Variants in LRPAP1 observed in about 807,000 individuals in gnomAD.
LRPAP1 encodes the protein alpha-2-macroglobulin receptor-associated protein.
Under a neutral mutation model 39.9 loss-of-function variants are expected in LRPAP1, and 41 were observed. The observed-to-expected ratio is 1.03, with a 90% CI of 0.80 to 1.33. The LOEUF (loss-of-function observed/expected upper bound fraction) is 1.33. LRPAP1 is among the 40% of genes most tolerant of loss of function. The pLI is 0.00. For missense variants in LRPAP1, 565 were observed against 482.3 expected (o/e 1.17, Z -1.61); for synonymous variants, 263 against 212.7 (o/e 1.24, Z -2.06).
At chr4:3,515,186 G>A (rs954438785) in intron 6 of LRPAP1, among the ~76,000 whole-genome samples, 7 of 152,120 alleles carry the variant, frequency 4.6e-5, no homozygotes, top group Non-Finnish European at 5.9e-5. Context: ...CCCGAATCTA[G>A]GGGGCCTCCA....
chr4:3,503,753 G>A lies in LRPAP1; in HGVS notation c.*9221C>T, dbSNP rs899270861. 3 of 152,294 alleles carry A rather than the reference G, an allele frequency of 2.0e-5. No individual in the cohort carries two copies. In the East Asian group the frequency reaches 5.8e-4, roughly 29 times the overall value. The allele number at this position is 152,294 out of a possible 1,614,324, so 9.4% of individuals were successfully genotyped here. On this transcript the variant is annotated 3_prime_UTR_variant, in exon 8 of 8. Transcript: ENST00000650182. The stretch of plus-strand genomic sequence containing the variant: ...TTTCACAAAACAACAGCAGACAACA[G>A]AGATTTCCAACTCCAGCAATGACAG...
At chr4:3,524,621 G>A (rs534641244) in intron 2 of LRPAP1, among the ~76,000 whole-genome samples, 25 of 152,334 alleles carry the variant, frequency 1.6e-4, no homozygotes, top group Non-Finnish European at 3.5e-4. Context: ...AGTCAGAGGC[G>A]TAGCCCACAG....
chr4:3,518,253 A>G, intron 4 of LRPAP1, 61 bp from the exon 5 acceptor site: 2 of 1,520,090 alleles, frequency 1.3e-6, no homozygotes, highest in Non-Finnish European at 1.8e-6. Context: ...TGCCCAGACC[A>G]CTGTCTAGAA....
chr4:3,529,182 G>A (rs1256304258), intron 1 of LRPAP1, among the ~76,000 whole-genome samples: 1 of 151,996 alleles, frequency 6.6e-6, no homozygotes, highest in Non-Finnish European at 1.5e-5. Flanking sequence ...AATTAGCCAG[G>A]CATGGTGGTG....
intron 1 of LRPAP1, among the ~76,000 whole-genome samples, chr4:3,530,677 G>T (rs1577213828): frequency 6.6e-6 from 1 of 152,178 alleles, no homozygotes; most frequent in Admixed American, 6.5e-5. Context: ...GGGGCAGCCC[G>T]AGGGTAGCTG....
At chr4:3,524,264 T>C (rs1730010294) in intron 2 of LRPAP1, among the ~76,000 whole-genome samples, 1 of 152,210 alleles carries the variant, frequency 6.6e-6, no homozygotes, top group Non-Finnish European at 1.5e-5. Flanking sequence ...CACACCTGTC[T>C]TCCGTATGCT....
intron 1 of LRPAP1, among the ~76,000 whole-genome samples, chr4:3,529,157 T>C (rs1347931448): frequency 2.0e-5 from 3 of 151,972 alleles, no homozygotes; most frequent in Non-Finnish European, 2.9e-5. Context: ...ACCCCGTCTC[T>C]ACTAAAAATA....
chr4:3,525,107 C>G (rs542859900), intron 1 of LRPAP1, 56 bp from the exon 2 acceptor site: 5 of 1,602,374 alleles, frequency 3.1e-6, no homozygotes, highest in South Asian at 1.1e-5. Flanking sequence ...CAGGACACAG[C>G]GAGAAACTGA....
At chr4:3,519,929 C>A in intron 3 of LRPAP1, 143 bp downstream of exon 3, 1 of 914,282 alleles carries the variant, frequency 1.1e-6, no homozygotes, top group Non-Finnish European at 1.6e-6. Context: ...AGTGGAATGG[C>A]TTCCTTAGGA....
In LRPAP1 at chr4:3,512,949, T is replaced by G. The variant is rs772170081; in HGVS notation, c.*25A>C. ...AGGTCCTTCACGCTGGCCTCTTCCC[T>G]GCCGGGCTGGGCTCCCCAATGCCTT... is the stretch of plus-strand genomic sequence containing the variant. On this transcript the variant is annotated 3_prime_UTR_variant, in exon 8 of 8. Coordinates refer to ENST00000650182, the MANE Select transcript of LRPAP1 (RefSeq NM_002337.4). 1 of 1,601,578 alleles carries G rather than the reference T, an allele frequency of 6.2e-7. No individual in the cohort carries two copies. Among genetic ancestry groups the G allele is most frequent in the South Asian group, 1.1e-5 (1 of 88,446 alleles).
chr4:3,526,566 G>A (rs1364041981), intron 1 of LRPAP1, among the ~76,000 whole-genome samples: 4 of 152,210 alleles, frequency 2.6e-5, no homozygotes, highest in South Asian at 4.1e-4. Flanking sequence ...CGCAGCCCGC[G>A]CCGCCTTGTG....
chr4:3,518,907 A>T lies in LRPAP1; in HGVS notation c.556T>A (p.Tyr186Asn). The T allele has an allele frequency of 6.2e-7, 1 of 1,613,190 alleles. No individual in the cohort carries two copies. Among genetic ancestry groups the T allele is most frequent in the South Asian group, 1.1e-5 (1 of 90,996 alleles). Residue 186 changes from tyrosine to asparagine, a missense_variant, in exon 4 of 8, where the codon TAC (tyrosine) becomes AAC (asparagine). Transcript: ENST00000650182. ...FLHHKEKVHE[Y>N]NVLLETLSRT... Reference sequence around the variant, plus strand: ...CTCAGGGTCTCCAGCAGGACGTTGTACTCGTGAACTTTCTCTTTGTGATGC... The same window carrying T: ...CTCAGGGTCTCCAGCAGGACGTTGTTCTCGTGAACTTTCTCTTTGTGATGC...
At position 3,530,631 on chromosome 4, in the gene LRPAP1, T is replaced by C. The variant is rs569548984; in HGVS notation, c.204+1578A>G. ...ACATGACCCAACCCAAGACTGAAAC[T>C]GGTCAGGCGAGCACCCAGCACCGGG... On this transcript the variant is annotated intron_variant, in intron 1 of 7. Coordinates refer to ENST00000650182, the MANE Select transcript of LRPAP1 (RefSeq NM_002337.4). 3.9e-5 allele frequency among the ~76,000 whole-genome samples: 6 copies of C among 152,212 alleles called. No homozygotes were observed. The South Asian group carries it at 1.2e-3, about 32-fold the overall frequency.
At chr4:3,519,190 C>T (rs1403754881) in intron 3 of LRPAP1, among the ~76,000 whole-genome samples, 199 bp from the exon 4 acceptor site, 2 of 152,288 alleles carry the variant, frequency 1.3e-5, no homozygotes, top group Non-Finnish European at 2.9e-5. Flanking sequence ...TTCTCTTGGA[C>T]GTGTCCAGGC....
At position 3,511,864 on chromosome 4, in the gene LRPAP1, C is replaced by A. The variant is rs962426438; in HGVS notation, c.*1110G>T. On this transcript the variant is annotated 3_prime_UTR_variant, in exon 8 of 8. Coordinates refer to ENST00000650182, the MANE Select transcript of LRPAP1 (RefSeq NM_002337.4). ...GCCCAGAGCCGGACCCGAGCCTCTT[C>A]CAGGCTCAGACACGGGAAGGGAACC... is the stretch of plus-strand genomic sequence containing the variant. 8.4e-5 allele frequency: 12 copies of A among 143,322 alleles called. No homozygotes were observed. Among genetic ancestry groups the A allele is most frequent in the Admixed American group, 3.4e-4 (5 of 14,502 alleles). The allele number at this position is 143,322 out of a possible 1,614,324, so 8.9% of individuals were successfully genotyped here.
Position 3,522,561 on chromosome 4 carries a change from C to T in LRPAP1, c.349+2346G>A, listed in dbSNP as rs554219603. On this transcript the variant is annotated intron_variant, in intron 2 of 7. Transcript: ENST00000650182. ...ACACGCCCTGCCCGGGGAGGACAGA[C>T]GCCACCCCACACTCCCTGCCTGGGG... 6.8e-4 allele frequency among the ~76,000 whole-genome samples: 55 copies of T among 81,008 alleles called. 4 individuals carry two copies. Among genetic ancestry groups the T allele is most frequent in the Non-Finnish European group, 1.3e-3 (46 of 36,772 alleles). The allele number at this position is 81,008 out of a possible 152,430, so 53.1% of individuals were successfully genotyped here.
In LRPAP1 at chr4:3,532,416, C is replaced by A; in HGVS notation, c.-4G>T. The A allele has an allele frequency of 1.3e-6, 2 of 1,560,496 alleles. No individual in the cohort carries two copies. The highest frequency in any genetic ancestry group is 1.7e-6 in the Non-Finnish European group (2 of 1,155,336). On this transcript the variant is annotated 5_prime_UTR_variant, in exon 1 of 8. Coordinates refer to ENST00000650182, the MANE Select transcript of LRPAP1 (RefSeq NM_002337.4). ...ACCTGACCCTCCGCGGCGCCATCTTCCTCTGCGACTGGCGCTGCGCGGAGA... is the reference window on the plus strand; with the variant it reads ...ACCTGACCCTCCGCGGCGCCATCTTACTCTGCGACTGGCGCTGCGCGGAGA...
intron 2 of LRPAP1, among the ~76,000 whole-genome samples, chr4:3,520,613 G>C (rs573218553): frequency 1.3e-5 from 2 of 152,358 alleles, no homozygotes; most frequent in South Asian, 4.1e-4. Flanking sequence ...CTCACCTGCT[G>C]CCATAGGGCA....
chr4:3,527,250 C>G (rs958820536), intron 1 of LRPAP1, among the ~76,000 whole-genome samples: 1 of 152,160 alleles, frequency 6.6e-6, no homozygotes, highest in Admixed American at 6.5e-5. Context: ...ATCCACCCAG[C>G]CCCTTCTCCC....
Sources: gnomAD v4.1 joint callset for allele counts (sites outside exome capture counted in the v4.1 genomes callset) on GRCh38, gnomAD v4.1.1 for gene constraint, MANE v1.5 for transcripts, NCBI Gene and HGNC (gene_info 2026-07-23, HGNC 2026-07-21) for gene names.